Variants in WWTR1 observed in about 807,000 individuals in gnomAD.
WWTR1 encodes WW domain-containing transcription regulator protein 1.
Under a neutral mutation model 40.1 loss-of-function variants are expected in WWTR1, and 13 were observed. The observed-to-expected ratio is 0.32, with a 90% CI of 0.21 to 0.52. The LOEUF is 0.52. Among genes scored for constraint, WWTR1 ranks in the 20% least tolerant of loss-of-function variants. The pLI is 0.97. For synonymous variants in WWTR1, 230 were observed against 210.1 expected (o/e 1.09, Z -0.82); for missense variants, 436 against 523.1 (o/e 0.83, Z 1.63).
intron 3 of WWTR1, among the ~76,000 whole-genome samples, chr3:149,568,925 C>G (rs1029414497): frequency 6.6e-6 from 1 of 152,192 alleles, no homozygotes; most frequent in African/African-American, 2.4e-5. Context: ...CGCCACCACA[C>G]CCAGCTAATT....
At position 149,518,566 on chromosome 3, in the gene WWTR1, A is replaced by G. The variant is rs1367555097; in HGVS notation, c.*2239T>C. On this transcript the variant is annotated 3_prime_UTR_variant, in exon 7 of 7. Coordinates refer to ENST00000360632, the MANE Select transcript of WWTR1 (RefSeq NM_015472.6). The stretch of plus-strand genomic sequence containing the variant: ...CAATTTAGTAGCAATAAAATCATCT[A>G]TCTTCATCTCTCTCAGAGGGCTTAG... 6.6e-6 allele frequency: 1 copy of G among 152,158 alleles called. No individual in the cohort carries two copies. Among genetic ancestry groups the G allele is most frequent in the Non-Finnish European group, 1.5e-5 (1 of 68,034 alleles). 9.4% of individuals were successfully genotyped at this position (152,158 alleles called of 1,614,324 possible).
At chr3:149,701,797 G>A (rs1013373127) in intron 1 of WWTR1, 2 of 174,380 alleles carry the variant, frequency 1.1e-5, no homozygotes, top group Admixed American at 1.3e-4. Flanking sequence ...TCTTAAAATG[G>A]GCCCTTGTGC....
intron 2 of WWTR1, among the ~76,000 whole-genome samples, chr3:149,608,258 C>T (rs1189980125): frequency 1.3e-5 from 2 of 152,080 alleles, no homozygotes; most frequent in African/African-American, 4.8e-5. Flanking sequence ...CTAATATGTA[C>T]ATTTTTGTAT....
chr3:149,634,940 CA>C (rs2108114788), intron 2 of WWTR1, among the ~76,000 whole-genome samples: 1 of 152,318 alleles, frequency 6.6e-6, no homozygotes, highest in African/African-American at 2.4e-5. Context: ...CTTGAATTGA[CA>C]ATGCTAGCCA....
rs529993385 is a variant in WWTR1, at chr3:149,676,159, C to A, written c.-107-6268G>T. Among the ~76,000 whole-genome samples the A allele has an allele frequency of 1.5e-4, 23 of 152,064 alleles. No individual in the cohort carries two copies. In the South Asian group the frequency reaches 4.8e-3, roughly 32 times the overall value. The stretch of plus-strand genomic sequence containing the variant: ...GGAAAAAATCACAAATTACCATCTG[C>A]TTAAAGAAAAAGGAGAGAGATGTCC... On this transcript the variant is annotated intron_variant, in intron 1 of 7. Transcript: ENST00000465804.
At chr3:149,683,867 C>A (rs890162865) in intron 1 of WWTR1, among the ~76,000 whole-genome samples, 6 of 152,038 alleles carry the variant, frequency 3.9e-5, no homozygotes, top group African/African-American at 1.4e-4. Flanking sequence ...TTATGGATGG[C>A]TCCTGTTACT....
At chr3:149,655,621 G>C (rs1181606225) in intron 2 of WWTR1, among the ~76,000 whole-genome samples, 1 of 152,150 alleles carries the variant, frequency 6.6e-6, no homozygotes, top group Non-Finnish European at 1.5e-5. Context: ...CAGAATCTCA[G>C]CATTACACCA....
chr3:149,608,431 G>A (rs1739582780), intron 2 of WWTR1, among the ~76,000 whole-genome samples: 1 of 151,642 alleles, frequency 6.6e-6, no homozygotes, highest in East Asian at 1.9e-4. Context: ...TGTCACCCAG[G>A]ATGGAGTGCA....
intron 2 of WWTR1, among the ~76,000 whole-genome samples, chr3:149,644,501 A>G (rs180746625): frequency 6.6e-6 from 1 of 152,230 alleles, no homozygotes; most frequent in Admixed American, 6.5e-5. Context: ...CTTGAACCAA[A>G]AAGTCAAATC....
At chr3:149,715,687 A>G (rs1313022677) in intron 5 of WWTR1, among the ~76,000 whole-genome samples, 1 of 152,242 alleles carries the variant, frequency 6.6e-6, no homozygotes, top group African/African-American at 2.4e-5. Context: ...GAAAAGCGAC[A>G]TCCCAATCCC....
At chr3:149,602,482 G>T (rs1739286952) in intron 2 of WWTR1, among the ~76,000 whole-genome samples, 1 of 152,088 alleles carries the variant, frequency 6.6e-6, no homozygotes, top group African/African-American at 2.4e-5. Flanking sequence ...TAAATACTTG[G>T]GGACATTCCG....
chr3:149,551,199 CGGCAGGAGAATCGTTTGAACCCAGGA>C (rs1736605087), intron 3 of WWTR1, among the ~76,000 whole-genome samples: 1 of 143,542 alleles, frequency 7.0e-6, no homozygotes, highest in Non-Finnish European at 1.5e-5. Context: ...CGGGAGTCTG[CGGCAGGAGAATCGTTTGAACCCAGGA>C]GGCAGGAGGT....
intron 5 of WWTR1, among the ~76,000 whole-genome samples, chr3:149,714,293 G>C (rs1272748611): frequency 6.6e-6 from 1 of 152,060 alleles, no homozygotes; most frequent in African/African-American, 2.4e-5. Flanking sequence ...CCGCCCTCCT[G>C]GACCCAGCTG....
chr3:149,613,506 G>A (rs572147535), intron 2 of WWTR1, among the ~76,000 whole-genome samples: 14 of 152,090 alleles, frequency 9.2e-5, no homozygotes, highest in East Asian at 1.9e-4. Context: ...CTCCACTCCC[G>A]GCATCTCTTC....
At chr3:149,609,436 A>G (rs976839890) in intron 2 of WWTR1, among the ~76,000 whole-genome samples, 5 of 152,250 alleles carry the variant, frequency 3.3e-5, no homozygotes, top group Admixed American at 1.3e-4. Flanking sequence ...TTTGTACAAC[A>G]GGGAATCTAA....
intron 2 of WWTR1, among the ~76,000 whole-genome samples, chr3:149,575,176 C>T (rs1451357526): frequency 6.6e-6 from 1 of 151,870 alleles, no homozygotes; most frequent in East Asian, 1.9e-4. Flanking sequence ...ATAATAAAAA[C>T]AATAGTTTTA....
At position 149,689,414 on chromosome 3, in the gene WWTR1, G is replaced by GAA. The variant is rs3044082; in HGVS notation, c.-108+13708_-108+13709dup. Among the ~76,000 whole-genome samples the GAA allele has an allele frequency of 2.0e-3, 214 of 109,526 alleles. 2 individuals are homozygous for GAA. The highest frequency in any genetic ancestry group is 0.018 in the Admixed American group (167 of 9,372). 71.9% of individuals were successfully genotyped at this position (109,526 alleles called of 152,430 possible). A position where few individuals can be genotyped will look rare whatever the true frequency, so the allele number is the denominator to read the frequency against. On this transcript the variant is annotated intron_variant, in intron 1 of 7. Coordinates refer to the WWTR1 transcript ENST00000465804. ...AAAAAAAAAAAAAGCAAAGAAGACAGAAAAAAAAAAAGAATAACCCAAATA... is the reference window on the plus strand; with the variant it reads ...AAAAAAAAAAAAAGCAAAGAAGACAGAAAAAAAAAAAAAGAATAACCCAAATA...
At chr3:149,681,939 G>T (rs1241465003) in intron 1 of WWTR1, among the ~76,000 whole-genome samples, 1 of 152,156 alleles carries the variant, frequency 6.6e-6, no homozygotes, top group African/African-American at 2.4e-5. Flanking sequence ...TATGTGAGAT[G>T]AATAAGTTCT....
intron 2 of WWTR1, among the ~76,000 whole-genome samples, chr3:149,599,433 T>C (rs1039006585): frequency 6.6e-6 from 1 of 152,232 alleles, no homozygotes; most frequent in Admixed American, 6.5e-5. Context: ...GGAAATATGG[T>C]CTGTTGCCAT....
Sources: gnomAD v4.1 joint callset for allele counts (sites outside exome capture counted in the v4.1 genomes callset) on GRCh38, gnomAD v4.1.1 for gene constraint, MANE v1.5 for transcripts, NCBI Gene and HGNC (gene_info 2026-07-23, HGNC 2026-07-21) for gene names.